Variants in CAPN3 observed in about 807,000 individuals in gnomAD.
The protein encoded by CAPN3 is calpain 3, also known as calpain-3.
CAPN3 carries 88 observed loss-of-function variants against 114.0 expected under a neutral mutation model. That is an observed-to-expected ratio of 0.77 (90% confidence interval 0.65 to 0.92). CAPN3 has a LOEUF of 0.92. CAPN3 is among the 40% of genes least tolerant of loss of function. The pLI, the probability that CAPN3 is intolerant of heterozygous loss-of-function variation, is 0.00. For missense variants in CAPN3, 1,028 were observed against 1,069.0 expected, an observed-to-expected ratio of 0.96 and a Z score of 0.53; for synonymous variants, 386 against 382.9, an observed-to-expected ratio of 1.01 and a Z score of -0.09.
intron 1 of CAPN3, among the ~76,000 whole-genome samples, chr15:42,371,545 T>G (rs2052947699): frequency 6.6e-6 from 1 of 152,224 alleles, no homozygotes; most frequent in South Asian, 2.1e-4. Context: ...ATTTTTCTAC[T>G]GAGTTGTCTT....
chr15:42,410,419 C>T lies in CAPN3; in HGVS notation c.2116-9C>T, dbSNP rs758850170. Reference sequence around the variant, plus strand: ...TGTGTGCTGTGTAGCCCTGACCTCCCTCCTCCAGACAGATGGCTCTGGAAA... The same window carrying T: ...TGTGTGCTGTGTAGCCCTGACCTCCTTCCTCCAGACAGATGGCTCTGGAAA... On this transcript the variant is annotated splice_polypyrimidine_tract_variant and intron_variant, in intron 19 of 23. Transcript: ENST00000397163. 1.2e-6 allele frequency: 2 copies of T among 1,613,834 alleles called. No homozygotes were observed. Among genetic ancestry groups the T allele is most frequent in the African/African-American group, 2.7e-5 (2 of 74,872 alleles).
At chr15:42,407,139 C>T (rs745849408) in intron 15 of CAPN3, among the ~76,000 whole-genome samples, 1 of 152,134 alleles carries the variant, frequency 6.6e-6, no homozygotes, top group Admixed American at 6.6e-5. Flanking sequence ...ATGCAGCAGC[C>T]GCTCTCCGTC....
chr15:42,404,184 C>G (rs553844528), intron 14 of CAPN3: 1 of 458,910 alleles, frequency 2.2e-6, no homozygotes, highest in Non-Finnish European at 4.4e-6. Flanking sequence ...CCTCCACTTA[C>G]CAGCGGGGTG....
chr15:42,367,608 G>A (rs116991936), intron 1 of CAPN3, among the ~76,000 whole-genome samples: 453 of 152,280 alleles, frequency 3.0e-3, no homozygotes, highest in Admixed American at 4.6e-3. Flanking sequence ...CCAGATGGAT[G>A]GCTTTCTTTC....
At position 42,387,734 on chromosome 15, in the gene CAPN3, G is replaced by A; in HGVS notation, c.499-19G>A. 5 of 1,614,168 alleles carry A rather than the reference G, an allele frequency of 3.1e-6. No homozygotes were observed. In the African/African-American group the frequency reaches 4.0e-5, roughly 13 times the overall value. Reference sequence around the variant, plus strand: ...CAGTAATTTGAGTATGTGACTCTGTGCGTGACGCTTCTGTGCAGTTCTGGC... The same window carrying A: ...CAGTAATTTGAGTATGTGACTCTGTACGTGACGCTTCTGTGCAGTTCTGGC... On this transcript the variant is annotated intron_variant, in intron 3 of 23. Transcript: ENST00000397163.
At chr15:42,373,169 G>A (rs28364378) in intron 1 of CAPN3, among the ~76,000 whole-genome samples, 1,909 of 152,258 alleles carry the variant, frequency 0.013, 103 homozygotes, top group Admixed American at 0.092. Flanking sequence ...CTCCAGCCTG[G>A]GTGACAGAGC....
intron 1 of CAPN3, 98 bp from the exon 2 acceptor site, chr15:42,384,385 C>T (rs113418257): frequency 8.1e-4 from 720 of 885,676 alleles, no homozygotes; most frequent in Non-Finnish European, 1.1e-3. Flanking sequence ...GCACTGCAGC[C>T]TGGCGACAGA....
chr15:42,387,679 A>C, intron 3 of CAPN3, 74 bp from the exon 4 acceptor site: 1 of 1,567,222 alleles, frequency 6.4e-7, no homozygotes, highest in Non-Finnish European at 8.8e-7. Context: ...GAACCCCCTG[A>C]GGAATGTGGA....
chr15:42,411,361 A>G lies in CAPN3; in HGVS notation c.2439+16A>G, dbSNP rs1345880672. 6.2e-7 allele frequency: 1 copy of G among 1,612,164 alleles called. No individual in the cohort carries two copies. On this transcript the variant is annotated intron_variant, in intron 23 of 23. Coordinates refer to ENST00000397163, the MANE Select transcript of CAPN3 (RefSeq NM_000070.3). Reference sequence around the variant, plus strand: ...CGTTCTGGAGGTAAAGCATAGGCACAGCACATTCCCCCTACACATTAAAAC... The same window carrying G: ...CGTTCTGGAGGTAAAGCATAGGCACGGCACATTCCCCCTACACATTAAAAC...
At chr15:42,382,300 A>G (rs2053269840) in intron 1 of CAPN3, among the ~76,000 whole-genome samples, 1 of 152,048 alleles carries the variant, frequency 6.6e-6, no homozygotes, top group African/African-American at 2.4e-5. Flanking sequence ...CCTTTCAATC[A>G]ATATGTAGTA....
rs888233471 is a variant in CAPN3, at chr15:42,359,664, C to A, written c.-142C>A. The A allele has an allele frequency of 9.8e-6, 15 of 1,523,610 alleles. No homozygotes were observed. Among genetic ancestry groups the A allele is most frequent in the Non-Finnish European group, 1.3e-5 (15 of 1,141,690 alleles). The allele number at this position is 1,523,610 out of a possible 1,614,324, so 94.4% of individuals were successfully genotyped here. A position where few individuals can be genotyped will look rare whatever the true frequency, so the allele number is the denominator to read the frequency against. On this transcript the variant is annotated 5_prime_UTR_variant, in exon 1 of 24. Transcript: ENST00000397163. ...ATAACCTGTACGACCTTCTGATGGG[C>A]TTTCAACTTTGAACTGGATGTGGAC...
In CAPN3 at chr15:42,403,756, C is replaced by A. The variant is rs775670528; in HGVS notation, c.1761C>A (p.Thr587=). The A allele has an allele frequency of 6.2e-7, 1 of 1,613,880 alleles. No homozygotes were observed. The highest frequency in any genetic ancestry group is 1.3e-5 in the African/African-American group (1 of 74,916). ...KRNLSEEVEN[T]ISVDRPVKKK... ...TTCCTCACAGGGAAGTTGAAAATAC[C>A]ATCTCCGTGGATCGGCCAGTGGTGA... is the stretch of plus-strand genomic sequence containing the variant. Residue 587 remains threonine (T), a synonymous_variant, in exon 14 of 24, where the codon ACC becomes ACA. Coordinates refer to ENST00000397163, the MANE Select transcript of CAPN3 (RefSeq NM_000070.3).
chr15:42,360,139 T>C (rs2141103029), intron 1 of CAPN3, 25 bp downstream of exon 1: 1 of 1,613,840 alleles, frequency 6.2e-7, no homozygotes. Flanking sequence ...GCTTGCTGGC[T>C]GGGTTTTCCC....
intron 1 of CAPN3, among the ~76,000 whole-genome samples, chr15:42,381,196 CATTT>C (rs1429767305): frequency 1.3e-5 from 2 of 151,998 alleles, no homozygotes; most frequent in African/African-American, 4.8e-5. Flanking sequence ...ATTTTATCTT[CATTT>C]ATTTATTTCC....
At chr15:42,411,439 T>C (rs1381447608) in intron 23 of CAPN3, 94 bp downstream of exon 23, 16 of 1,136,506 alleles carry the variant, frequency 1.4e-5, no homozygotes, top group Non-Finnish European at 2.1e-5. Context: ...GCTCCTCATT[T>C]CCACACAGTG....
At chr15:42,387,721 T>C (rs1223126353) in intron 3 of CAPN3, 32 bp from the exon 4 acceptor site, 1 of 1,613,936 alleles carries the variant, frequency 6.2e-7, no homozygotes, top group South Asian at 1.1e-5. Flanking sequence ...GTAATTTGAG[T>C]ATGTGACTCT....
intron 1 of CAPN3, among the ~76,000 whole-genome samples, chr15:42,379,475 A>G (rs1418986794): frequency 6.6e-6 from 1 of 152,184 alleles, no homozygotes; most frequent in African/African-American, 2.4e-5. Context: ...GTTCAGGTCA[A>G]CAATATCCTT....
Position 42,402,974 on chromosome 15 carries a change from G to A in CAPN3, c.1717G>A (p.Val573Ile), listed in dbSNP as rs2053917660. 6.2e-7 allele frequency: 1 copy of A among 1,614,058 alleles called. No homozygotes were observed. Among genetic ancestry groups the A allele is most frequent in the Non-Finnish European group, 8.5e-7 (1 of 1,180,044 alleles). ...CCAGGAGGGGGAATTCATCCTCCGG[G>A]TCTTCTCTGAAAAGAGGAACCTCTC... ...PHQEGEFILR[V>I]FSEKRNLSEE... The change falls in exon 13 of 24, where the codon GTC becomes ATC. Residue 573 changes from valine (V) to isoleucine (I), a missense_variant. Coordinates refer to ENST00000397163, the MANE Select transcript of CAPN3 (RefSeq NM_000070.3).
chr15:42,381,816 G>A (rs1468527340), intron 1 of CAPN3, among the ~76,000 whole-genome samples: 1 of 152,174 alleles, frequency 6.6e-6, no homozygotes, highest in Non-Finnish European at 1.5e-5. Flanking sequence ...GTGATTACAG[G>A]TGTGAGTCAT....
Sources: allele counts gnomAD v4.1 joint callset (sites outside exome capture counted in the v4.1 genomes callset), GRCh38; gene constraint gnomAD v4.1.1; transcripts MANE v1.5; gene names NCBI Gene and HGNC (gene_info 2026-07-23, HGNC 2026-07-21).